The following STAC variants were observed in gnomAD, a reference collection of about 807,000 sequenced individuals.
The protein encoded by STAC is SH3 and cysteine-rich domain-containing protein.
Under a neutral mutation model 48.8 loss-of-function variants are expected in STAC, and 43 were observed. The ratio of observed to expected loss-of-function variants is 0.88; its 90% CI spans 0.69 to 1.14. STAC has a LOEUF of 1.14. STAC is among the 50% of genes most tolerant of loss of function. The probability of loss-of-function intolerance (pLI) is 0.00; values close to 1 mark genes in which losing one functional copy is unlikely to be tolerated. For missense variants in STAC, 497 were observed against 504.0 expected, an observed-to-expected ratio of 0.99 and a Z score of 0.13; for synonymous variants, 193 against 179.5, an observed-to-expected ratio of 1.07 and a Z score of -0.60.
chr3:36,455,760 G>GGT (rs71085125), intron 2 of STAC, among the ~76,000 whole-genome samples: 5,012 of 149,200 alleles, frequency 0.034, 229 homozygotes, highest in African/African-American at 0.1. Flanking sequence ...GAAACAGGCA[G>GGT]GTGTGTGTGT....
At chr3:36,478,777 C>T (rs549391175) in intron 2 of STAC, among the ~76,000 whole-genome samples, 8 of 152,198 alleles carry the variant, frequency 5.3e-5, no homozygotes, top group South Asian at 2.1e-4. Flanking sequence ...CATGAACCAC[C>T]GCACCCGGCT....
intron 2 of STAC, among the ~76,000 whole-genome samples, chr3:36,480,551 C>T (rs1022906335): frequency 3.3e-5 from 5 of 152,090 alleles, no homozygotes; most frequent in Non-Finnish European, 7.4e-5. Flanking sequence ...TTAGCCCCAA[C>T]GTCATCTTCA....
intron 8 of STAC, among the ~76,000 whole-genome samples, chr3:36,513,851 G>C (rs951485301): frequency 5.3e-5 from 8 of 151,960 alleles, no homozygotes; most frequent in Non-Finnish European, 7.4e-5. Flanking sequence ...GGAGCAAAAG[G>C]GGGGGAGGGG....
At chr3:36,485,108 A>G in intron 4 of STAC, 50 bp downstream of exon 4, 1 of 1,484,644 alleles carries the variant, frequency 6.7e-7, no homozygotes, top group Non-Finnish European at 9.2e-7. Context: ...AGCAAAGTTA[A>G]CATTAATGGC....
At chr3:36,527,035 G>C (rs1218603399) in intron 8 of STAC, among the ~76,000 whole-genome samples, 1 of 152,306 alleles carries the variant, frequency 6.6e-6, no homozygotes, top group Non-Finnish European at 1.5e-5. Context: ...CTTAAACAGA[G>C]CCTGTAAATA....
At chr3:36,442,152 A>G (rs576875612) in intron 1 of STAC, among the ~76,000 whole-genome samples, 3 of 152,192 alleles carry the variant, frequency 2.0e-5, no homozygotes, top group Non-Finnish European at 4.4e-5. Flanking sequence ...CTGGTCCATC[A>G]TTGCATTGCA....
chr3:36,541,742 A>C (rs1699332445), intron 10 of STAC, among the ~76,000 whole-genome samples: 1 of 152,136 alleles, frequency 6.6e-6, no homozygotes. Flanking sequence ...AAAGTTTCTG[A>C]GAGATGCTGA....
intron 1 of STAC, among the ~76,000 whole-genome samples, chr3:36,431,679 A>T (rs529822537): frequency 6.6e-6 from 1 of 152,278 alleles, no homozygotes; most frequent in South Asian, 2.1e-4. Flanking sequence ...TTGAGGAGGA[A>T]AAAAAGGGAG....
chr3:36,424,607 C>T (rs1360899113), intron 1 of STAC, among the ~76,000 whole-genome samples: 1 of 152,020 alleles, frequency 6.6e-6, no homozygotes, highest in African/African-American at 2.4e-5. Flanking sequence ...AACTAACCAG[C>T]TTCCTTGAAG....
At chr3:36,422,951 G>A (rs1379905219) in intron 1 of STAC, among the ~76,000 whole-genome samples, 2 of 152,078 alleles carry the variant, frequency 1.3e-5, no homozygotes, top group Non-Finnish European at 2.9e-5. Flanking sequence ...CCAAATGAAT[G>A]TTCACTGGCT....
chr3:36,522,232 C>A (rs1284351820), intron 8 of STAC, among the ~76,000 whole-genome samples: 1 of 152,146 alleles, frequency 6.6e-6, no homozygotes, highest in African/African-American at 2.4e-5. Flanking sequence ...GGGATCAGTT[C>A]TATATTTGTT....
intron 10 of STAC, among the ~76,000 whole-genome samples, chr3:36,533,484 T>TTG (rs1479114062): frequency 6.7e-6 from 1 of 148,736 alleles, no homozygotes; most frequent in African/African-American, 2.5e-5. Flanking sequence ...TGTTTTTTTT[T>TTG]TTTTTTTTTT....
intron 1 of STAC, among the ~76,000 whole-genome samples, chr3:36,436,941 C>A (rs1254838043): frequency 2.6e-5 from 4 of 151,282 alleles, no homozygotes; most frequent in Admixed American, 6.7e-5. Context: ...AAAAAACAAA[C>A]AACCCCATCA....
intron 1 of STAC, among the ~76,000 whole-genome samples, chr3:36,397,058 T>C (rs1056557847): frequency 1.3e-5 from 2 of 152,216 alleles, no homozygotes; most frequent in African/African-American, 2.4e-5. Context: ...CTGAGCCTAA[T>C]GGACTATCAG....
At chr3:36,536,636 G>A (rs1202894488) in intron 10 of STAC, among the ~76,000 whole-genome samples, 8 of 151,850 alleles carry the variant, frequency 5.3e-5, no homozygotes, top group African/African-American at 2.4e-5. Flanking sequence ...ACTTCCTGAC[G>A]AAAACATCAA....
intron 1 of STAC, among the ~76,000 whole-genome samples, chr3:36,424,702 C>A (rs1700524026): frequency 6.6e-6 from 1 of 151,878 alleles, no homozygotes; most frequent in Non-Finnish European, 1.5e-5. Context: ...GGGAAGTGTT[C>A]AAAACTGACT....
Position 36,544,091 on chromosome 3 carries a change from G to C in STAC, c.1111-2100G>C, listed in dbSNP as rs550539945. Among the ~76,000 whole-genome samples, 4 of 152,214 alleles carry C rather than the reference G, an allele frequency of 2.6e-5. No individual in the cohort carries two copies. The South Asian group carries it at 8.3e-4, about 32-fold the overall frequency. On this transcript the variant is annotated intron_variant, in intron 10 of 10. Transcript: ENST00000273183. ...ACACACTCTTTGGCAAATTATAAAG[G>C]TAAATCCTCCTCTCAAGGCATTTTT...
chr3:36,465,012 C>T (rs1340857210), intron 2 of STAC, among the ~76,000 whole-genome samples: 1 of 152,106 alleles, frequency 6.6e-6, no homozygotes, highest in African/African-American at 2.4e-5. Flanking sequence ...AGCAGTACAT[C>T]TACTTTTAGT....
At chr3:36,538,536 A>G (rs1699251148) in intron 10 of STAC, among the ~76,000 whole-genome samples, 1 of 152,218 alleles carries the variant, frequency 6.6e-6, no homozygotes, top group African/African-American at 2.4e-5. Flanking sequence ...TTTGGAATTT[A>G]GCGGAAAACA....
Sources: gnomAD v4.1 joint callset for allele counts (sites outside exome capture counted in the v4.1 genomes callset) on GRCh38, gnomAD v4.1.1 for gene constraint, MANE v1.5 for transcripts, NCBI Gene and HGNC (gene_info 2026-07-23, HGNC 2026-07-21) for gene names.